SREBF2: variants seen among roughly 807,000 people sequenced by gnomAD.
SREBF2 encodes the protein sterol regulatory element binding transcription factor 2, also known as sterol regulatory element-binding protein 2.
SREBF2 carries 55 observed loss-of-function variants against 113.1 expected under a neutral mutation model. The observed-to-expected ratio is 0.49, with a 90% confidence interval of 0.39 to 0.61. SREBF2 has a LOEUF of 0.61. SREBF2 is among the 20% of genes least tolerant of loss of function. SREBF2 has a pLI of 0.00. For synonymous variants in SREBF2, 593 were observed against 605.7 expected, an observed-to-expected ratio of 0.98 and a Z score of 0.31; for missense variants, 1,349 against 1,487.4, an observed-to-expected ratio of 0.91 and a Z score of 1.53.
At chr22:41,875,266 C>T in intron 5 of SREBF2, 71 bp from the exon 6 acceptor site, 1 of 1,315,560 alleles carries the variant, frequency 7.6e-7, no homozygotes, top group Admixed American at 1.8e-5. Flanking sequence ...ATCCCAAGTG[C>T]TAGGGCTCTG....
chr22:41,849,798 G>T (rs185894941), intron 1 of SREBF2, among the ~76,000 whole-genome samples: 110 of 152,156 alleles, frequency 7.2e-4, no homozygotes, highest in Admixed American at 1.2e-3. Flanking sequence ...TTACATACAT[G>T]TTCACCCTGA....
At chr22:41,899,151 CAG>C (rs2077442326) in intron 15 of SREBF2, 2 of 1,040,254 alleles carry the variant, frequency 1.9e-6, no homozygotes, top group African/African-American at 1.7e-5. Flanking sequence ...ACAATCAGTG[CAG>C]AGAGGCCACT....
In SREBF2 at chr22:41,856,223, C is replaced by T. The variant is rs368968570; in HGVS notation, c.89-10608C>T. Among the ~76,000 whole-genome samples, 199 of 152,212 alleles carry T rather than the reference C, an allele frequency of 1.3e-3. 1 individual carries two copies. Among genetic ancestry groups the T allele is most frequent in the African/African-American group, 4.6e-3 (190 of 41,534 alleles). Reference sequence around the variant, plus strand: ...CTCACTGCAACCTTCACCTCCCAGGCTTAAGCAATCCTCCCACCTCAGCCT... The same window carrying T: ...CTCACTGCAACCTTCACCTCCCAGGTTTAAGCAATCCTCCCACCTCAGCCT... On this transcript the variant is annotated intron_variant, in intron 1 of 18. Transcript: ENST00000361204.
intron 7 of SREBF2, among the ~76,000 whole-genome samples, chr22:41,876,826 C>T (rs904547262): frequency 2.6e-5 from 4 of 152,184 alleles, no homozygotes; most frequent in African/African-American, 7.2e-5. Flanking sequence ...CTCTTTTGTA[C>T]ACCTTTGCAG....
chr22:41,873,713 G>T, intron 4 of SREBF2, 85 bp from the exon 5 acceptor site: 2 of 1,405,202 alleles, frequency 1.4e-6, no homozygotes, highest in African/African-American at 1.4e-5. Flanking sequence ...GGCAGCACTT[G>T]GCCAAAGCGG....
chr22:41,854,204 C>T (rs2076957201), intron 1 of SREBF2, among the ~76,000 whole-genome samples: 1 of 151,656 alleles, frequency 6.6e-6, no homozygotes, highest in Non-Finnish European at 1.5e-5. Context: ...ACTCTTGCCA[C>T]CCAGGCTGGA....
rs180701079 is a variant in SREBF2, at chr22:41,891,789, T to C, written c.2209-1328T>C. Among the ~76,000 whole-genome samples the C allele has an allele frequency of 3.1e-3, 471 of 152,320 alleles. 1 individual carries two copies. Among genetic ancestry groups the C allele is most frequent in the Non-Finnish European group, 4.8e-3 (326 of 68,018 alleles). On this transcript the variant is annotated intron_variant, in intron 11 of 18. Transcript: ENST00000361204. ...CTTATGCTTCTCCCTCCCTCCTGTC[T>C]TCTGTCCTCAGTTCCTCACTCACCC...
Position 41,898,716 on chromosome 22 carries a change from C to T in SREBF2, c.2673C>T (p.Asp891=), listed in dbSNP as rs369248538. ...ITVAISWLQG[D]DAAVRSHFTK... is the part of the protein sequence containing the mutation. ...TGGCCATCAGCTGGCTCCAGGGAGA[C>T]GATGCAGCTGTGCGCTCTCATTTTA... is the stretch of plus-strand genomic sequence containing the variant. Residue 891 remains aspartate, a synonymous_variant, in exon 15 of 19, where the codon GAC becomes GAT. Transcript: ENST00000361204. The T allele has an allele frequency of 2.8e-5, 45 of 1,613,954 alleles. No individual in the cohort carries two copies. The African/African-American group carries it at 3.3e-4, about 12-fold the overall frequency.
Position 41,900,527 on chromosome 22 carries a change from G to A in SREBF2, c.2907+29G>A, listed in dbSNP as rs752482240. On this transcript the variant is annotated intron_variant, in intron 16 of 18. Coordinates refer to ENST00000361204, the MANE Select transcript of SREBF2 (RefSeq NM_004599.4). The stretch of plus-strand genomic sequence containing the variant: ...AGTGGGAGCTGAGTTGGCCCCTGGG[G>A]GAGGTGCTCTGCACTGGTTTACGAG... 3.7e-6 allele frequency: 6 copies of A among 1,608,888 alleles called. No individual in the cohort carries two copies. The Admixed American group carries it at 8.3e-5, about 22-fold the overall frequency.
At position 41,877,959 on chromosome 22, in the gene SREBF2, G is replaced by T; in HGVS notation, c.1597G>T (p.Asp533Tyr). The change falls in exon 9 of 19, where the codon GAC becomes TAC. Residue 533 changes from aspartate (D) to tyrosine (Y), a missense_variant. Coordinates refer to ENST00000361204, the MANE Select transcript of SREBF2 (RefSeq NM_004599.4). ...SFESGSGGWF[D>Y]WMMPTLLLWL... is the part of the protein sequence containing the mutation. ...CTTCTTAGGTTCTGGGGGCTGGTTT[G>T]ACTGGATGATGCCTACTCTTCTCTT... 2 of 1,614,152 alleles carry T rather than the reference G, an allele frequency of 1.2e-6. No individual in the cohort carries two copies. The highest frequency in any genetic ancestry group is 1.1e-5 in the South Asian group (1 of 91,062).
At chr22:41,854,103 G>A (rs2076956188) in intron 1 of SREBF2, among the ~76,000 whole-genome samples, 1 of 151,676 alleles carries the variant, frequency 6.6e-6, no homozygotes, top group African/African-American at 2.4e-5. Context: ...GCTATTGAGA[G>A]CATTTCAGTG....
At chr22:41,881,829 T>G (rs923524442) in intron 10 of SREBF2, among the ~76,000 whole-genome samples, 1 of 152,168 alleles carries the variant, frequency 6.6e-6, no homozygotes, top group Non-Finnish European at 1.5e-5. Flanking sequence ...CCCAGCACTT[T>G]GGGAGACTGA....
intron 11 of SREBF2, among the ~76,000 whole-genome samples, chr22:41,891,043 G>A (rs1444878424): frequency 1.3e-5 from 2 of 152,002 alleles, no homozygotes; most frequent in Non-Finnish European, 2.9e-5. Flanking sequence ...TTGGGCCCTC[G>A]TGAGGGACCA....
At chr22:41,894,101 C>T (rs540028091) in intron 12 of SREBF2, among the ~76,000 whole-genome samples, 30 of 152,244 alleles carry the variant, frequency 2.0e-4, no homozygotes, top group African/African-American at 7.0e-4. Context: ...TCTACCCCAC[C>T]CCTGCTGGCT....
rs1437365178 is a variant in SREBF2, at chr22:41,905,701, C to A, written c.*41C>A. On this transcript the variant is annotated 3_prime_UTR_variant, in exon 19 of 19. Transcript: ENST00000361204. ...CACCCCTCCACCTCTCTCTCGATTT[C>A]TCTCTCTCCCCCTCAGCATCTTCCC... 6.6e-7 allele frequency: 1 copy of A among 1,512,638 alleles called. No homozygotes were observed. 93.7% of individuals were successfully genotyped at this position (1,512,638 alleles called of 1,614,324 possible).
chr22:41,880,604 T>C (rs1010352880), intron 9 of SREBF2, 112 bp from the exon 10 acceptor site: 4 of 1,372,862 alleles, frequency 2.9e-6, no homozygotes, highest in Non-Finnish European at 4.1e-6. Context: ...CTCGTTTTTA[T>C]GAGTGTGCAC....
rs771292485 is a variant in SREBF2, at chr22:41,875,566, G to A, written c.1228G>A (p.Gly410Ser). The change falls in exon 7 of 19, where the codon GGC becomes AGC. Residue 410 changes from glycine (G) to serine (S), a missense_variant. This residue lies in a region of SREBF2 where 699 missense variants were observed against 843.3 expected (regional missense o/e 0.83). Coordinates refer to ENST00000361204, the MANE Select transcript of SREBF2 (RefSeq NM_004599.4). Reference sequence around the variant, plus strand: ...AGAGCTTCTAAAGGGCATCGACCTAGGCAGTCTGGTGGACAATGAGGTGGA... The same window carrying A: ...AGAGCTTCTAAAGGGCATCGACCTAAGCAGTCTGGTGGACAATGAGGTGGA... The part of the protein sequence containing the change: ...KNKLLKGIDL[G>S]SLVDNEVDLK... 1.5e-5 allele frequency: 25 copies of A among 1,614,228 alleles called. No homozygotes were observed. Among genetic ancestry groups the A allele is most frequent in the Non-Finnish European group, 2.0e-5 (24 of 1,180,050 alleles).
Position 41,895,469 on chromosome 22 carries a change from C to T in SREBF2, c.2495+532C>T, listed in dbSNP as rs1344811881. Among the ~76,000 whole-genome samples, 9 of 111,316 alleles carry T rather than the reference C, an allele frequency of 8.1e-5. No homozygotes were observed. The Admixed American group carries it at 1.1e-3, about 13-fold the overall frequency. 73.0% of individuals were successfully genotyped at this position (111,316 alleles called of 152,430 possible). A position where few individuals can be genotyped will look rare whatever the true frequency, so the allele number is the denominator to read the frequency against. On this transcript the variant is annotated intron_variant, in intron 13 of 18. Transcript: ENST00000361204. Reference sequence around the variant, plus strand: ...TTTTTTTTTGAGATGGAGTTTCGCTCTTGTTGCCCAGGCTGGAGTGCAATG... The same window carrying T: ...TTTTTTTTTGAGATGGAGTTTCGCTTTTGTTGCCCAGGCTGGAGTGCAATG...
chr22:41,887,130 G>T (rs1197202775), intron 11 of SREBF2, among the ~76,000 whole-genome samples: 1 of 151,862 alleles, frequency 6.6e-6, no homozygotes, highest in African/African-American at 2.4e-5. Context: ...CAGGAGAATC[G>T]CCTGAACCTG....
Sources: gnomAD v4.1 joint callset for allele counts (sites outside exome capture counted in the v4.1 genomes callset) on GRCh38, gnomAD v4.1.1 for gene constraint, gnomAD v4.1.1 regional missense constraint, MANE v1.5 for transcripts, NCBI Gene and HGNC (gene_info 2026-07-23, HGNC 2026-07-21) for gene names.